The following ANKUB1 variants were observed in gnomAD, a reference collection of about 807,000 sequenced individuals.
ANKUB1 encodes protein ANKUB1.
ANKUB1 carries 42 observed loss-of-function variants against 49.3 expected under a neutral mutation model. The observed-to-expected ratio is 0.85, with a 90% CI of 0.67 to 1.10. The LOEUF (loss-of-function observed/expected upper bound fraction) is 1.10. ANKUB1 is among the 50% of genes least tolerant of loss of function. The pLI, the probability that ANKUB1 is intolerant of heterozygous loss-of-function variation, is 0.00. For missense variants in ANKUB1, 613 were observed against 642.0 expected (o/e 0.95, Z 0.49); for synonymous variants, 222 against 231.0 (o/e 0.96, Z 0.35).
intron 2 of ANKUB1, among the ~76,000 whole-genome samples, chr3:149,789,236 A>G (rs1357940164): frequency 3.9e-5 from 6 of 152,222 alleles, no homozygotes; most frequent in Non-Finnish European, 7.3e-5. Flanking sequence ...CCTTGTCTAC[A>G]TCCCTGAAAA....
At chr3:149,771,590 T>G (rs1186911254) in intron 3 of ANKUB1, among the ~76,000 whole-genome samples, 3 of 152,212 alleles carry the variant, frequency 2.0e-5, no homozygotes, top group African/African-American at 7.2e-5. Flanking sequence ...TCCCATGACT[T>G]TATTTTAACT....
intron 2 of ANKUB1, chr3:149,783,938 A>C (rs1717975466): frequency 6.6e-6 from 1 of 152,212 alleles, no homozygotes; most frequent in South Asian, 2.1e-4. Context: ...TTCATGTGTA[A>C]ATTTTAAAGA....
Position 149,780,258 on chromosome 3 carries a change from C to T in ANKUB1, c.432G>A (p.Lys144=), listed in dbSNP as rs1717796341. The change falls in exon 3 of 6, where the codon AAG becomes AAA. Residue 144 remains lysine (K), a synonymous_variant. Coordinates refer to ENST00000446160, the MANE Select transcript of ANKUB1 (RefSeq NM_001144960.3). ...GLEMYDCNTL[K]DYQTDIGTTL... ...CAGTACCAATATCAGTCTGGTAGTC[C>T]TTGAGGGTGTTGCAATCATACATCT... 2 of 1,551,632 alleles carry T rather than the reference C, an allele frequency of 1.3e-6. No homozygotes were observed. The highest frequency in any genetic ancestry group is 2.7e-5 in the African/African-American group (2 of 73,146).
chr3:149,768,207 AC>A, intron 4 of ANKUB1, 112 bp from the exon 5 acceptor site: 2 of 818,558 alleles, frequency 2.4e-6, no homozygotes, highest in Non-Finnish European at 3.5e-6. Context: ...TTTCTTCTTA[AC>A]TTTTACCTTA....
intron 5 of ANKUB1, 27 bp from the exon 6 acceptor site, chr3:149,761,640 A>G (rs972018863): frequency 3.9e-6 from 6 of 1,548,670 alleles, no homozygotes; most frequent in African/African-American, 1.4e-5. Context: ...TATAATTTGT[A>G]AGGAGGTCTG....
chr3:149,768,792 C>T (rs947967574), intron 4 of ANKUB1, among the ~76,000 whole-genome samples: 3 of 151,808 alleles, frequency 2.0e-5, no homozygotes, highest in Admixed American at 6.6e-5. Context: ...ATCTGCCCAC[C>T]TTGGCCTCCC....
At chr3:149,776,060 C>G (rs1717582028) in intron 3 of ANKUB1, among the ~76,000 whole-genome samples, 1 of 152,122 alleles carries the variant, frequency 6.6e-6, no homozygotes, top group Non-Finnish European at 1.5e-5. Flanking sequence ...TCCCTTATCC[C>G]TTCATTACTC....
Position 149,780,333 on chromosome 3 carries a change from T to C in ANKUB1, c.357A>G (p.Arg119=), listed in dbSNP as rs1473294838. 6.4e-7 allele frequency: 1 copy of C among 1,551,764 alleles called. No individual in the cohort carries two copies. The highest frequency in any genetic ancestry group is 1.4e-5 in the African/African-American group (1 of 73,012). ...VSDLRTLVTL[R]CGLPVSVYCL... ...AGTAGACACTCACGGGGAGGCCACATCTCAGAGTTACCAGTGTTCTCAGAT... is the reference window on the plus strand; with the variant it reads ...AGTAGACACTCACGGGGAGGCCACACCTCAGAGTTACCAGTGTTCTCAGAT... Residue 119 remains arginine (R), a synonymous_variant, in exon 3 of 6, where the codon AGA becomes AGG. Coordinates refer to ENST00000446160, the MANE Select transcript of ANKUB1 (RefSeq NM_001144960.3).
intron 3 of ANKUB1, among the ~76,000 whole-genome samples, chr3:149,775,220 C>T (rs988287425): frequency 2.6e-5 from 4 of 152,116 alleles, no homozygotes; most frequent in African/African-American, 2.4e-5. Flanking sequence ...GTTCATACCC[C>T]GGGAGTCAAC....
intron 5 of ANKUB1, among the ~76,000 whole-genome samples, chr3:149,763,021 C>T (rs1186366759): frequency 6.6e-6 from 1 of 152,216 alleles, no homozygotes; most frequent in Non-Finnish European, 1.5e-5. Flanking sequence ...TTCACTCAAT[C>T]TATTAGGAGT....
intron 5 of ANKUB1, chr3:149,766,629 A>C (rs1283741962): frequency 2.1e-6 from 1 of 481,376 alleles, no homozygotes; most frequent in Admixed American, 3.2e-5. Context: ...GTGAGTCCTC[A>C]TCTCTACAGA....
chr3:149,770,551 T>C lies in ANKUB1; in HGVS notation c.566+9A>G. 1.3e-6 allele frequency: 2 copies of C among 1,521,666 alleles called. No homozygotes were observed. The highest frequency in any genetic ancestry group is 1.8e-6 in the Non-Finnish European group (2 of 1,124,220). The allele number at this position is 1,521,666 out of a possible 1,614,324, so 94.3% of individuals were successfully genotyped here. On this transcript the variant is annotated intron_variant, in intron 4 of 5. Transcript: ENST00000446160. Reference sequence around the variant, plus strand: ...CTTGCTAAGTTAATTTAAAATTAATTTCTCATACTTGAGTACTGGTCCTTC... The same window carrying C: ...CTTGCTAAGTTAATTTAAAATTAATCTCTCATACTTGAGTACTGGTCCTTC...
chr3:149,780,503 A>G, intron 2 of ANKUB1, 48 bp from the exon 3 acceptor site: 1 of 1,417,828 alleles, frequency 7.1e-7, no homozygotes, highest in Non-Finnish European at 9.7e-7. Flanking sequence ...GGTTCAGATG[A>G]GGGCCAAGCA....
intron 3 of ANKUB1, among the ~76,000 whole-genome samples, chr3:149,771,452 A>C (rs895899649): frequency 2.0e-5 from 3 of 152,182 alleles, no homozygotes; most frequent in African/African-American, 7.2e-5. Context: ...CTAATGACTT[A>C]CAATTTTTTG....
chr3:149,761,712 G>A, intron 5 of ANKUB1, 99 bp from the exon 6 acceptor site: 1 of 1,359,204 alleles, frequency 7.4e-7, no homozygotes, highest in Non-Finnish European at 9.8e-7. Context: ...TGTAGCTAGG[G>A]CTAGTTTGTC....
chr3:149,777,216 G>A lies in ANKUB1; in HGVS notation c.451+3023C>T, dbSNP rs527695962. ...AGGCCGGGTGTGGTGGCTCACGCCT[G>A]TAATCCCAGCACTTTGGGAGGCCAA... is the stretch of plus-strand genomic sequence containing the variant. On this transcript the variant is annotated intron_variant, in intron 3 of 5. Transcript: ENST00000446160. Among the ~76,000 whole-genome samples the A allele has an allele frequency of 1.3e-3, 195 of 152,254 alleles. 3 individuals are homozygous for A. The highest frequency in any genetic ancestry group is 3.9e-3 in the African/African-American group (163 of 41,548).
At chr3:149,763,850 C>T (rs1716876715) in intron 5 of ANKUB1, 3 of 454,678 alleles carry the variant, frequency 6.6e-6, no homozygotes, top group Middle Eastern at 3.3e-4. Flanking sequence ...TCTGTGTTAA[C>T]TGCATAATGC....
intron 2 of ANKUB1, among the ~76,000 whole-genome samples, chr3:149,784,053 G>A (rs1717980152): frequency 6.6e-6 from 1 of 152,118 alleles, no homozygotes; most frequent in Non-Finnish European, 1.5e-5. Context: ...AAGCTAAAAT[G>A]TTTATCATTT....
At chr3:149,792,042 CT>C (rs1047985456) in intron 1 of ANKUB1, among the ~76,000 whole-genome samples, 44 of 147,974 alleles carry the variant, frequency 3.0e-4, no homozygotes, top group Middle Eastern at 3.4e-3. Flanking sequence ...AGAAGTCAGA[CT>C]TTTTTTTTTT....
Sources: allele counts gnomAD v4.1 joint callset (sites outside exome capture counted in the v4.1 genomes callset), GRCh38; gene constraint gnomAD v4.1.1; transcripts MANE v1.5; gene names NCBI Gene and HGNC (gene_info 2026-07-23, HGNC 2026-07-21).